Variants in DENND1A observed in about 807,000 individuals in gnomAD.
The protein encoded by DENND1A is DENN domain containing 1A, also known as DENN domain-containing protein 1A.
In DENND1A, 51 loss-of-function variants were observed where a neutral mutation model predicts 113.7. That is an observed-to-expected ratio of 0.45 (90% CI 0.36 to 0.57). DENND1A has a LOEUF of 0.57. Ranked by LOEUF, DENND1A falls within the 20% of genes least tolerant of loss-of-function variation. The pLI is 0.00. For missense variants in DENND1A, 1,258 were observed against 1,395.9 expected (o/e 0.90, Z 1.57); for synonymous variants, 565 against 570.8 (o/e 0.99, Z 0.14).
chr9:123,620,242 AAGAAAAAG>A (rs2060889095), intron 10 of DENND1A, among the ~76,000 whole-genome samples: 1 of 149,288 alleles, frequency 6.7e-6, no homozygotes, highest in African/African-American at 2.5e-5. Flanking sequence ...AAAAAAAGAA[AAGAAAAAG>A]AAAAAAAGGA....
At chr9:123,798,066 A>C (rs1354195298) in intron 2 of DENND1A, among the ~76,000 whole-genome samples, 1 of 152,194 alleles carries the variant, frequency 6.6e-6, no homozygotes, top group Non-Finnish European at 1.5e-5. Context: ...TGAAGGCTGT[A>C]AGACATAAAA....
chr9:123,830,125 T>C (rs1321217237), intron 2 of DENND1A, among the ~76,000 whole-genome samples: 1 of 152,170 alleles, frequency 6.6e-6, no homozygotes, highest in East Asian at 1.9e-4. Flanking sequence ...TTATAATATT[T>C]ATACAATGGA....
chr9:123,710,041 C>T (rs1454314659), intron 5 of DENND1A, among the ~76,000 whole-genome samples: 1 of 152,200 alleles, frequency 6.6e-6, no homozygotes, highest in Non-Finnish European at 1.5e-5. Context: ...AGTGGTAGAA[C>T]TAGTATTTGA....
At chr9:123,706,859 T>C (rs1044262438) in intron 5 of DENND1A, among the ~76,000 whole-genome samples, 17 of 151,800 alleles carry the variant, frequency 1.1e-4, no homozygotes, top group African/African-American at 4.1e-4. Flanking sequence ...AAAATAGTAT[T>C]GTCCTGCCCT....
At chr9:123,440,904 C>T (rs1314378725) in intron 18 of DENND1A, among the ~76,000 whole-genome samples, 5 of 152,156 alleles carry the variant, frequency 3.3e-5, no homozygotes, top group African/African-American at 4.8e-5. Context: ...AAAGTCATTA[C>T]AAAAATAATT....
intron 12 of DENND1A, among the ~76,000 whole-genome samples, chr9:123,567,124 G>T (rs896282974): frequency 5.0e-4 from 76 of 152,248 alleles, no homozygotes; most frequent in African/African-American, 1.7e-3. Context: ...TTTATCCGGG[G>T]AGTGTTTTCA....
At chr9:123,641,438 A>C (rs2062021344) in intron 9 of DENND1A, among the ~76,000 whole-genome samples, 1 of 50,512 alleles carries the variant, frequency 2.0e-5, no homozygotes, top group African/African-American at 1.3e-4. Context: ...TGAAATGGCA[A>C]AAAAAAAAAA....
At chr9:123,866,551 T>A in intron 2 of DENND1A, among the ~76,000 whole-genome samples, 1 of 152,238 alleles carries the variant, frequency 6.6e-6, no homozygotes, top group Non-Finnish European at 1.5e-5. Flanking sequence ...GGAATTTACA[T>A]AAATTCTATC....
At position 123,383,921 on chromosome 9, in the gene DENND1A, G is replaced by A. The variant is rs2042421447; in HGVS notation, c.1761-8C>T. 6.2e-7 allele frequency: 1 copy of A among 1,602,646 alleles called. No homozygotes were observed. Among genetic ancestry groups the A allele is most frequent in the Non-Finnish European group, 8.5e-7 (1 of 1,177,510 alleles). On this transcript the variant is annotated splice_polypyrimidine_tract_variant and splice_region_variant and intron_variant, in intron 22 of 23. Transcript: ENST00000394215. ...GTCCGATACGGCTGCGGCCTGTCGG[G>A]GACAGAGCAGGCTGCACTCTCCCAC... is the stretch of plus-strand genomic sequence containing the variant.
intron 5 of DENND1A, among the ~76,000 whole-genome samples, chr9:123,679,274 G>A (rs1187244569): frequency 6.6e-6 from 1 of 152,196 alleles, no homozygotes; most frequent in Non-Finnish European, 1.5e-5. Context: ...AGGTTCAACT[G>A]ACCAATGTGG....
At chr9:123,708,479 C>T (rs1454666881) in intron 5 of DENND1A, among the ~76,000 whole-genome samples, 1 of 152,024 alleles carries the variant, frequency 6.6e-6, no homozygotes, top group Admixed American at 6.6e-5. Flanking sequence ...AGCCTAAATT[C>T]TCTGGGTAGA....
chr9:123,700,522 T>C (rs1044454835), intron 5 of DENND1A, among the ~76,000 whole-genome samples: 21 of 152,208 alleles, frequency 1.4e-4, no homozygotes, highest in African/African-American at 4.8e-4. Flanking sequence ...CCAAAATTTG[T>C]AGGGCAGGCC....
At chr9:123,872,519 C>T (rs1846802728) in intron 2 of DENND1A, among the ~76,000 whole-genome samples, 1 of 152,092 alleles carries the variant, frequency 6.6e-6, no homozygotes, top group Non-Finnish European at 1.5e-5. Context: ...TTTACACACA[C>T]ATTCACACAC....
intron 3 of DENND1A, among the ~76,000 whole-genome samples, chr9:123,773,892 G>A (rs1051262306): frequency 6.6e-6 from 1 of 152,126 alleles, no homozygotes; most frequent in Admixed American, 6.6e-5. Context: ...TAAATAAAGA[G>A]AAGAGATAGC....
intron 13 of DENND1A, among the ~76,000 whole-genome samples, chr9:123,471,596 T>C (rs2049432242): frequency 1.3e-5 from 2 of 152,126 alleles, no homozygotes; most frequent in South Asian, 4.2e-4. Context: ...CTGCTAGGGC[T>C]GGGACGCCGC....
At chr9:123,722,513 C>T (rs2067412336) in intron 5 of DENND1A, among the ~76,000 whole-genome samples, 1 of 152,068 alleles carries the variant, frequency 6.6e-6, no homozygotes, top group Non-Finnish European at 1.5e-5. Context: ...CATCACAGGC[C>T]CGGAGGTTTA....
At chr9:123,908,633 C>T (rs1376396848) in intron 1 of DENND1A, among the ~76,000 whole-genome samples, 1 of 151,230 alleles carries the variant, frequency 6.6e-6, no homozygotes, top group Non-Finnish European at 1.5e-5. Flanking sequence ...AAATGCAAAT[C>T]AAAACCACAA....
intron 2 of DENND1A, among the ~76,000 whole-genome samples, chr9:123,835,428 G>C (rs952293353): frequency 1.3e-5 from 2 of 152,126 alleles, no homozygotes; most frequent in African/African-American, 4.8e-5. Flanking sequence ...AATCATGGTA[G>C]AGGTGGGGGG....
rs2130819423 is a variant in DENND1A, at chr9:123,380,740, TGCTCGCAGCCCCCGTGCAGGGTGGCTGGG to T, written c.*663_*691del. The T allele has an allele frequency of 6.5e-6, 1 of 152,704 alleles. No individual in the cohort carries two copies. The highest frequency in any genetic ancestry group is 2.1e-4 in the South Asian group (1 of 4,828). 9.5% of individuals were successfully genotyped at this position (152,704 alleles called of 1,614,324 possible). ...TCCTTCTATAAATCAAAGTTGCTGG[TGCTCGCAGCCCCCGTGCAGGGTGGCTGGG>T]GCTGTGTATCACAAGGCAGCCCAAG... On this transcript the variant is annotated 3_prime_UTR_variant, in exon 24 of 24. Coordinates refer to ENST00000394215, the MANE Select transcript of DENND1A (RefSeq NM_001352964.2).
Sources: allele counts gnomAD v4.1 joint callset (sites outside exome capture counted in the v4.1 genomes callset), GRCh38; gene constraint gnomAD v4.1.1; transcripts MANE v1.5; gene names NCBI Gene and HGNC (gene_info 2026-07-23, HGNC 2026-07-21).